The following ZNF709 variants were observed in gnomAD, a reference collection of about 807,000 sequenced individuals.
ZNF709 encodes zinc finger protein 709.
In ZNF709, 15 loss-of-function variants were observed where a neutral mutation model predicts 10.6. The observed-to-expected ratio is 1.41, with a 90% CI of 0.95 to 2.18. The LOEUF (loss-of-function observed/expected upper bound fraction) is 2.18, where lower values mean the gene tolerates loss of function less well. Ranked by LOEUF, ZNF709 falls within the 30% of genes most tolerant of loss-of-function variation. The probability of loss-of-function intolerance (pLI) is 0.00; values close to 1 mark genes in which losing one functional copy is unlikely to be tolerated. For missense variants in ZNF709, 589 were observed against 774.0 expected (o/e 0.76, Z 2.84); for synonymous variants, 194 against 238.8 (o/e 0.81, Z 1.73).
At chr19:12,478,548 C>G (rs1970694625) in intron 1 of ZNF709, among the ~76,000 whole-genome samples, 1 of 152,198 alleles carries the variant, frequency 6.6e-6, no homozygotes, top group African/African-American at 2.4e-5. Flanking sequence ...CAGTCAATGT[C>G]TGAACACCAT....
At chr19:12,475,123 T>C (rs1453206079) in intron 1 of ZNF709, among the ~76,000 whole-genome samples, 2 of 151,814 alleles carry the variant, frequency 1.3e-5, no homozygotes, top group African/African-American at 4.8e-5. Flanking sequence ...CCGGGCATGG[T>C]GGTGGGCACC....
intron 1 of ZNF709, among the ~76,000 whole-genome samples, chr19:12,481,527 A>G (rs761841729): frequency 6.6e-6 from 1 of 152,224 alleles, no homozygotes; most frequent in Non-Finnish European, 1.5e-5. Flanking sequence ...GGCGTGAGCC[A>G]CCACACCCGG....
intron 1 of ZNF709, among the ~76,000 whole-genome samples, chr19:12,481,956 GGAAGGAAAGGAA>G (rs1424803980): frequency 1.4e-5 from 2 of 144,644 alleles, no homozygotes; most frequent in African/African-American, 5.1e-5. Context: ...AAAGAAAGGA[GGAAGGAAAGGAA>G]GAAGGAAAGG....
intron 3 of ZNF709, 108 bp from the exon 4 acceptor site, chr19:12,465,841 T>C: frequency 1.1e-6 from 1 of 943,454 alleles, no homozygotes; most frequent in Middle Eastern, 3.5e-4. Flanking sequence ...GAATTACACT[T>C]TTGCCATTTT....
rs770025244 is a variant in ZNF709, at chr19:12,464,666, G to T, written c.1256C>A (p.Pro419His). The change falls in exon 4 of 4, where the codon CCC (proline) becomes CAC (histidine). Residue 419 changes from proline (P) to histidine (H), a missense_variant. By Grantham distance (77) the Pro-to-His change is moderately conservative. This residue lies in a region of ZNF709 where 171 missense variants were observed against 277.7 expected (regional missense o/e 0.62). Coordinates refer to ENST00000397732, the MANE Select transcript of ZNF709 (RefSeq NM_152601.4). ...MHERTHTGEKPHECKQCGKAF... is the reference protein window; with the variant it reads ...MHERTHTGEKHHECKQCGKAF... ...TTTACCACATTGTTTACATTCATGG[G>T]GTTTCTCTCCAGTGTGAGTTCTTTC... 6.2e-7 allele frequency: 1 copy of T among 1,612,304 alleles called. No homozygotes were observed. The highest frequency in any genetic ancestry group is 1.7e-5 in the Admixed American group (1 of 59,746).
rs11085814 is a variant in ZNF709 at position 12,463,762 on chromosome 19, A to C, written c.*234T>G. 0.26 allele frequency: 85,534 copies of C among 330,884 alleles called. 11,566 individuals carry two copies. The highest frequency in any genetic ancestry group is 0.38 in the South Asian group (2,731 of 7,238). The allele number at this position is 330,884 out of a possible 1,614,324, so 20.5% of individuals were successfully genotyped here. A position where few individuals can be genotyped will look rare whatever the true frequency, so the allele number is the denominator to read the frequency against. ...GCCAACATGGCGAAACCCCATCTCTACTAAAAATACAAAAATTAAGTGGGC... is the reference window on the plus strand; with the variant it reads ...GCCAACATGGCGAAACCCCATCTCTCCTAAAAATACAAAAATTAAGTGGGC... On this transcript the variant is annotated 3_prime_UTR_variant, in exon 4 of 4. Transcript: ENST00000397732.
At chr19:12,484,041 A>T (rs1358931703) in intron 1 of ZNF709, among the ~76,000 whole-genome samples, 2 of 152,210 alleles carry the variant, frequency 1.3e-5, no homozygotes, top group Non-Finnish European at 2.9e-5. Context: ...AATCTTTTTA[A>T]AAGAACCATC....
intron 3 of ZNF709, among the ~76,000 whole-genome samples, chr19:12,466,099 C>T (rs1405271375): frequency 1.3e-5 from 2 of 152,100 alleles, no homozygotes. Context: ...CACCACCACA[C>T]CTGGCTAATT....
At chr19:12,468,273 A>T (rs909842468) in intron 1 of ZNF709, among the ~76,000 whole-genome samples, 1 of 152,236 alleles carries the variant, frequency 6.6e-6, no homozygotes, top group Non-Finnish European at 1.5e-5. Flanking sequence ...TGGGGAAAAG[A>T]TTGAGAAATC....
In ZNF709 at chr19:12,466,859, T is replaced by A. The variant is rs777809406; in HGVS notation, c.4-9A>T. 2.5e-6 allele frequency: 4 copies of A among 1,612,946 alleles called. No homozygotes were observed. In the South Asian group the frequency reaches 4.4e-5, roughly 18 times the overall value. ...TCAAAGACCACTGAGTCCTGAAACATCCCACATGTATAGGGGAGGATGGGT... is the reference window on the plus strand; with the variant it reads ...TCAAAGACCACTGAGTCCTGAAACAACCCACATGTATAGGGGAGGATGGGT... On this transcript the variant is annotated splice_polypyrimidine_tract_variant and intron_variant, in intron 1 of 3. Coordinates refer to ENST00000397732, the MANE Select transcript of ZNF709 (RefSeq NM_152601.4).
intron 1 of ZNF709, among the ~76,000 whole-genome samples, chr19:12,476,787 T>G (rs1303817405): frequency 6.6e-6 from 1 of 152,226 alleles, no homozygotes; most frequent in Non-Finnish European, 1.5e-5. Context: ...CCAAATGGTT[T>G]TTAGGAACTT....
At chr19:12,467,402 C>T (rs1970583466) in intron 1 of ZNF709, among the ~76,000 whole-genome samples, 2 of 152,254 alleles carry the variant, frequency 1.3e-5, no homozygotes, top group Non-Finnish European at 2.9e-5. Flanking sequence ...CTCGGCCTCC[C>T]GAGGTGCCGT....
chr19:12,484,791 C>T lies in ZNF709; in HGVS notation c.-134G>A. 8.1e-6 allele frequency: 10 copies of T among 1,235,724 alleles called. No homozygotes were observed. Among genetic ancestry groups the T allele is most frequent in the Non-Finnish European group, 1.1e-5 (10 of 875,612 alleles). 76.5% of individuals were successfully genotyped at this position (1,235,724 alleles called of 1,614,324 possible). ...GAGACCCCAGAGCGGAGCGCAGCGG[C>T]TGGTAGCCACGCCCTCGCCGTTTGC... is the stretch of plus-strand genomic sequence containing the variant. On this transcript the variant is annotated 5_prime_UTR_variant, in exon 1 of 4. Transcript: ENST00000397732.
At chr19:12,469,387 T>C (rs2144993908) in intron 1 of ZNF709, among the ~76,000 whole-genome samples, 1 of 152,272 alleles carries the variant, frequency 6.6e-6, no homozygotes, top group African/African-American at 2.4e-5. Context: ...GTTTCTTTTT[T>C]CTCCCTGTCC....
At chr19:12,466,892 A>G (rs1970575611) in intron 1 of ZNF709, 42 bp from the exon 2 acceptor site, 1 of 1,595,858 alleles carries the variant, frequency 6.3e-7, no homozygotes, top group South Asian at 1.1e-5. Context: ...GGTGAGACTG[A>G]CAGCACTGGG....
chr19:12,476,600 G>A (rs1206764754), intron 1 of ZNF709, among the ~76,000 whole-genome samples: 1 of 152,098 alleles, frequency 6.6e-6, no homozygotes. Flanking sequence ...TTGCGGTAGG[G>A]GGACCCACTT....
chr19:12,469,915 G>A (rs890766469), intron 1 of ZNF709, among the ~76,000 whole-genome samples: 2 of 152,124 alleles, frequency 1.3e-5, no homozygotes, highest in South Asian at 2.1e-4. Flanking sequence ...GAGACTTAAC[G>A]AATTTGAGTA....
intron 1 of ZNF709, among the ~76,000 whole-genome samples, chr19:12,471,175 GAAAGAACATTT>G (rs2144996677): frequency 6.6e-6 from 1 of 152,068 alleles, no homozygotes; most frequent in African/African-American, 2.4e-5. Flanking sequence ...ATTACATCAG[GAAAGAACATTT>G]AAAGGCTTGG....
chr19:12,466,386 T>G, intron 3 of ZNF709, 76 bp downstream of exon 3: 2 of 1,369,476 alleles, frequency 1.5e-6, no homozygotes, highest in Non-Finnish European at 2.0e-6. Context: ...TTTGTTTCAA[T>G]TATTCATTTT....
Sources: allele counts gnomAD v4.1 joint callset (sites outside exome capture counted in the v4.1 genomes callset), GRCh38; gene constraint gnomAD v4.1.1; regional missense constraint gnomAD v4.1.1; transcripts MANE v1.5; gene names NCBI Gene and HGNC (gene_info 2026-07-23, HGNC 2026-07-21).